The following ATP5PD variants were observed in gnomAD, a reference collection of about 807,000 sequenced individuals.
ATP5PD encodes ATP synthase peripheral stalk subunit d, mitochondrial.
In ATP5PD, 13 loss-of-function variants were observed where a neutral mutation model predicts 22.6. The observed-to-expected ratio is 0.58, with a 90% confidence interval of 0.37 to 0.91. The LOEUF (loss-of-function observed/expected upper bound fraction) is 0.91. Ranked by LOEUF, ATP5PD falls within the 40% of genes least tolerant of loss-of-function variation. The pLI, the probability that ATP5PD is intolerant of heterozygous loss-of-function variation, is 0.00. For missense variants in ATP5PD, 165 were observed against 188.0 expected, an observed-to-expected ratio of 0.88 and a Z score of 0.72; for synonymous variants, 51 against 65.0, an observed-to-expected ratio of 0.79 and a Z score of 1.03.
chr17:75,040,121 C>T lies in ATP5PD; in HGVS notation c.262G>A (p.Ala88Thr). The stretch of plus-strand genomic sequence containing the variant: ...TCTTTTTCTTCGGCATCCACCTGGG[C>T]AGTATATTTATCCTCTGGCACGGGA... ...KVPVPEDKYT[A>T]QVDAEEKEDV... The change falls in exon 4 of 6, where the codon GCC becomes ACC. Residue 88 changes from alanine to threonine, a missense_variant. Coordinates refer to ENST00000301587, the MANE Select transcript of ATP5PD (RefSeq NM_006356.3). 6.2e-7 allele frequency: 1 copy of T among 1,612,934 alleles called. No homozygotes were observed. The highest frequency in any genetic ancestry group is 2.2e-5 in the East Asian group (1 of 44,864).
At chr17:75,042,715 G>C (rs2073173455) in intron 1 of ATP5PD, 56 bp from the exon 2 acceptor site, 2 of 1,516,438 alleles carry the variant, frequency 1.3e-6, no homozygotes, top group Non-Finnish European at 1.8e-6. Flanking sequence ...TTTTCAGTTG[G>C]GAAAAATGAT....
chr17:75,041,983 C>A, intron 3 of ATP5PD, 198 bp downstream of exon 3: 1 of 530,672 alleles, frequency 1.9e-6, no homozygotes, highest in South Asian at 2.6e-5. Context: ...TAAGGCTACA[C>A]TCTACTGCTG....
At chr17:75,046,085 G>A (rs1598693103) in intron 1 of ATP5PD, among the ~76,000 whole-genome samples, 1 of 152,014 alleles carries the variant, frequency 6.6e-6, no homozygotes, top group East Asian at 1.9e-4. Context: ...AAATAACTTT[G>A]TGTGTGTGTG....
chr17:75,045,101 C>T (rs1320917938), intron 1 of ATP5PD, among the ~76,000 whole-genome samples: 3 of 152,244 alleles, frequency 2.0e-5, no homozygotes, highest in East Asian at 3.9e-4. Context: ...TAAAGCTGGG[C>T]GTCCGGGGGA....
intron 1 of ATP5PD, among the ~76,000 whole-genome samples, chr17:75,044,498 C>A (rs1422126518): frequency 7.8e-6 from 1 of 128,850 alleles, no homozygotes; most frequent in Non-Finnish European, 1.5e-5. Flanking sequence ...AGCCACCGCG[C>A]CCGGCCCTAA....
chr17:75,039,185 G>A lies in ATP5PD; in HGVS notation c.354+24C>T, dbSNP rs199693457. 3.7e-5 allele frequency: 60 copies of A among 1,613,778 alleles called. No homozygotes were observed. In the Admixed American group the frequency reaches 9.7e-4, roughly 26 times the overall value. ...ATGAAAGAGAGAACCCATATTATAG[G>A]CAACGGCTACCCATCATCCTTACCT... On this transcript the variant is annotated intron_variant, in intron 5 of 5. Transcript: ENST00000301587.
intron 3 of ATP5PD, chr17:75,041,206 A>G (rs1247501327): frequency 6.6e-6 from 1 of 151,920 alleles, no homozygotes; most frequent in African/African-American, 2.4e-5. Context: ...CAAAAATACA[A>G]AAAATTAGCC....
In ATP5PD at chr17:75,039,727, A is replaced by G. The variant is rs143272748; in HGVS notation, c.291+365T>C. 13 of 271,256 alleles carry G rather than the reference A, an allele frequency of 4.8e-5. No individual in the cohort carries two copies. In the East Asian group the frequency reaches 8.8e-4, roughly 18 times the overall value. 16.8% of individuals were successfully genotyped at this position (271,256 alleles called of 1,614,324 possible). A position where few individuals can be genotyped will look rare whatever the true frequency, so the allele number is the denominator to read the frequency against. Reference sequence around the variant, plus strand: ...TTGTTTCTAACAGCTTTGTTGAGGTATATCTGAAATATGATAAAATGCACA... The same window carrying G: ...TTGTTTCTAACAGCTTTGTTGAGGTGTATCTGAAATATGATAAAATGCACA... On this transcript the variant is annotated intron_variant, in intron 4 of 5. Transcript: ENST00000301587.
intron 4 of ATP5PD, 48 bp downstream of exon 4, chr17:75,040,044 G>A (rs374481275): frequency 1.7e-5 from 27 of 1,599,212 alleles, no homozygotes; most frequent in Non-Finnish European, 2.3e-5. Flanking sequence ...ATAGAGAGCT[G>A]TCAAGATCAA....
rs377594522 is a variant in ATP5PD at position 75,042,243 on chromosome 17, C to A, written c.157G>T (p.Asp53Tyr). The change falls in exon 3 of 6, where the codon GAC (aspartate) becomes TAC (tyrosine). Residue 53 changes from aspartate to tyrosine, a missense_variant. Asp to Tyr is a radical substitution (Grantham distance 160). Coordinates refer to ENST00000301587, the MANE Select transcript of ATP5PD (RefSeq NM_006356.3). ...AALPENPPAIDWAYYKANVAK... is the reference protein window; with the variant it reads ...AALPENPPAIYWAYYKANVAK... Reference sequence around the variant, plus strand: ...ACATTGGCCTTGTAGTAAGCCCAGTCGATAGCTGGTGGATTCTCAGGTAAA... The same window carrying A: ...ACATTGGCCTTGTAGTAAGCCCAGTAGATAGCTGGTGGATTCTCAGGTAAA... The A allele has an allele frequency of 2.5e-6, 4 of 1,614,026 alleles. No homozygotes were observed. The highest frequency in any genetic ancestry group is 1.3e-5 in the African/African-American group (1 of 74,932).
chr17:75,044,819 G>C (rs1396642452), intron 1 of ATP5PD, among the ~76,000 whole-genome samples: 1 of 152,206 alleles, frequency 6.6e-6, no homozygotes, highest in African/African-American at 2.4e-5. Context: ...GGAATGCAAG[G>C]GAGGCGGAAG....
At chr17:75,041,936 C>T in intron 3 of ATP5PD, 1 of 422,738 alleles carries the variant, frequency 2.4e-6, no homozygotes, top group Non-Finnish European at 4.2e-6. Flanking sequence ...CAGGTCAAAA[C>T]TCCTGTGCTG....
At position 75,042,670 on chromosome 17, in the gene ATP5PD, A is replaced by C; in HGVS notation, c.-9-11T>G. On this transcript the variant is annotated splice_polypyrimidine_tract_variant and intron_variant, in intron 1 of 5. Transcript: ENST00000301587. ...AGCCATTTTGGGATCCTGAAAAATA[A>C]GTCAAATAAAAACAAGGCTTTTTTA... 3.8e-6 allele frequency: 6 copies of C among 1,587,400 alleles called. No homozygotes were observed. The highest frequency in any genetic ancestry group is 5.1e-6 in the Non-Finnish European group (6 of 1,173,306).
intron 1 of ATP5PD, among the ~76,000 whole-genome samples, chr17:75,044,501 GGCC>G (rs2073193079): frequency 1.3e-5 from 1 of 77,008 alleles, no homozygotes. Context: ...CACCGCGCCC[GGCC>G]CTAATTTTTG....
intron 5 of ATP5PD, 47 bp downstream of exon 5, chr17:75,039,162 G>A (rs1243254219): frequency 6.2e-7 from 1 of 1,612,360 alleles, no homozygotes; most frequent in East Asian, 2.2e-5. Context: ...GTGTGGTCAT[G>A]AAAGAGAGAA....
chr17:75,042,203 A>T lies in ATP5PD; in HGVS notation c.197T>A (p.Leu66Ter). The T allele has an allele frequency of 6.2e-7, 1 of 1,614,100 alleles. No homozygotes were observed. Among genetic ancestry groups the T allele is most frequent in the Non-Finnish European group, 8.5e-7 (1 of 1,179,974 alleles). ...YYKANVAKAG[L>*]VDDFEKKFNA... is the part of the protein sequence containing the mutation. The stretch of plus-strand genomic sequence containing the variant: ...CACCTTCTTCTCAAAGTCATCCACC[A>T]AGCCAGCCTTGGCCACATTGGCCTT... The change falls in exon 3 of 6, where the codon TTG becomes TAG. Residue 66 changes from leucine to a stop codon, truncating the protein, a stop_gained. Coordinates refer to ENST00000301587, the MANE Select transcript of ATP5PD (RefSeq NM_006356.3). LOFTEE classifies it high-confidence loss of function.
intron 2 of ATP5PD, 91 bp downstream of exon 2, chr17:75,042,438 G>T: frequency 1.3e-6 from 2 of 1,542,886 alleles, no homozygotes; most frequent in South Asian, 1.2e-5. Flanking sequence ...GTTGTCATAA[G>T]GGCATCAAGA....
chr17:75,039,581 G>A (rs1314556084), intron 4 of ATP5PD: 1 of 350,978 alleles, frequency 2.8e-6, no homozygotes, highest in African/African-American at 2.1e-5. Flanking sequence ...CACGCCACCT[G>A]AGCACCTAGC....
intron 1 of ATP5PD, among the ~76,000 whole-genome samples, chr17:75,046,510 C>T (rs2073218356): frequency 6.6e-6 from 1 of 152,222 alleles, no homozygotes; most frequent in Non-Finnish European, 1.5e-5. Flanking sequence ...GAGCCCTGAA[C>T]GCTCTATACG....
Sources: gnomAD v4.1 joint callset for allele counts (sites outside exome capture counted in the v4.1 genomes callset) on GRCh38, gnomAD v4.1.1 for gene constraint, MANE v1.5 for transcripts, NCBI Gene and HGNC (gene_info 2026-07-23, HGNC 2026-07-21) for gene names.